SMYD1: variants seen among roughly 807,000 people sequenced by gnomAD.
SMYD1 encodes histone-lysine N-methyltransferase SMYD1.
A neutral mutation model predicts 54.0 loss-of-function variants in SMYD1; 49 were observed. The ratio of observed to expected loss-of-function variants is 0.91; its 90% CI spans 0.72 to 1.15. SMYD1 has a LOEUF of 1.15. Among genes scored for constraint, SMYD1 ranks in the 50% most tolerant of loss-of-function variants. SMYD1 has a pLI of 0.00. For synonymous variants in SMYD1, 269 were observed against 234.2 expected (o/e 1.15, Z -1.36); for missense variants, 653 against 639.6 (o/e 1.02, Z -0.23).
chr2:88,096,725 G>T lies in SMYD1; in HGVS notation c.829G>T (p.Glu277Ter). ...GCAGTACTACTTTGACTGCACATGT[G>T]AACACTGCCAGAAAAAACTGAAGGA... is the stretch of plus-strand genomic sequence containing the variant. ...KKQYYFDCTC[E>*]HCQKKLKDDL... The change falls in exon 6 of 10, where the codon GAA (glutamate) becomes TAA (stop). Residue 277 changes from glutamate to a stop codon, truncating the protein, a stop_gained. Coordinates refer to ENST00000419482, the MANE Select transcript of SMYD1 (RefSeq NM_198274.4). LOFTEE classifies it high-confidence loss of function. 1 of 1,614,202 alleles carries T rather than the reference G, an allele frequency of 6.2e-7. No homozygotes were observed. Among genetic ancestry groups the T allele is most frequent in the South Asian group, 1.1e-5 (1 of 91,080 alleles).
chr2:88,108,769 A>G (rs1349311776), intron 9 of SMYD1, among the ~76,000 whole-genome samples: 1 of 152,206 alleles, frequency 6.6e-6, no homozygotes, highest in Non-Finnish European at 1.5e-5. Flanking sequence ...ATGTTGGTTC[A>G]TGGTTCTGCA....
In SMYD1 at chr2:88,101,787, GTAGAGCT is replaced by G. The variant is rs1263344000; in HGVS notation, c.889-1269_889-1263del. Among the ~76,000 whole-genome samples, 5 of 152,184 alleles carry G rather than the reference GTAGAGCT, an allele frequency of 3.3e-5. No individual in the cohort carries two copies. In the East Asian group the frequency reaches 9.7e-4, roughly 29 times the overall value. On this transcript the variant is annotated intron_variant, in intron 6 of 9. Transcript: ENST00000419482. ...TACCTGGCTAATTTTTGTATTTGTA[GTAGAGCT>G]TGGATTTCACCCTATTGTCCAGGTT...
intron 1 of SMYD1, among the ~76,000 whole-genome samples, chr2:88,068,806 A>G (rs1484999419): frequency 6.6e-6 from 1 of 152,118 alleles, no homozygotes; most frequent in African/African-American, 2.4e-5. Flanking sequence ...TGAATCATCA[A>G]TCTTAATTTT....
intron 3 of SMYD1, among the ~76,000 whole-genome samples, chr2:88,088,937 C>G (rs1674401778): frequency 6.6e-6 from 1 of 152,086 alleles, no homozygotes; most frequent in Non-Finnish European, 1.5e-5. Flanking sequence ...ATCTGGTAGG[C>G]CAGGACCTTT....
At chr2:88,085,598 A>G (rs1476664701) in intron 2 of SMYD1, among the ~76,000 whole-genome samples, 1 of 152,196 alleles carries the variant, frequency 6.6e-6, no homozygotes, top group East Asian at 1.9e-4. Flanking sequence ...ATCTATTGAA[A>G]CACTACATAT....
chr2:88,084,230 C>G (rs951827691), intron 1 of SMYD1, 86 bp from the exon 2 acceptor site: 5 of 1,138,068 alleles, frequency 4.4e-6, no homozygotes, highest in Non-Finnish European at 6.1e-6. Flanking sequence ...CCAGCTGAAC[C>G]AGTACTGGAA....
chr2:88,092,770 G>A lies in SMYD1; in HGVS notation c.660-747G>A, dbSNP rs570270938. Among the ~76,000 whole-genome samples the A allele has an allele frequency of 3.3e-5, 5 of 152,360 alleles. No individual in the cohort carries two copies. In the East Asian group the frequency reaches 9.7e-4, roughly 29 times the overall value. ...CTGAGCTTGACCTGGTTGGCAGAGA[G>A]GATCAAATTCAGCCATGTATGGGCC... On this transcript the variant is annotated intron_variant, in intron 4 of 9. Transcript: ENST00000419482.
intron 7 of SMYD1, among the ~76,000 whole-genome samples, chr2:88,105,746 T>C (rs886805685): frequency 6.6e-6 from 1 of 152,138 alleles, no homozygotes; most frequent in Non-Finnish European, 1.5e-5. Context: ...GAGACCAGCC[T>C]GGGCAACATG....
At chr2:88,079,649 G>A (rs1056907488) in intron 1 of SMYD1, among the ~76,000 whole-genome samples, 10 of 152,238 alleles carry the variant, frequency 6.6e-5, no homozygotes, top group Admixed American at 5.9e-4. Flanking sequence ...GTGAAAACCC[G>A]TCTGTACTAA....
In SMYD1 at chr2:88,088,188, G is replaced by C. The variant is rs569405865; in HGVS notation, c.528+113G>C. ...AAGTGAACTAAGAGGCAGAAGCCCT[G>C]TCTGCCCTGGACCCTGATTTCTATT... On this transcript the variant is annotated intron_variant, in intron 3 of 9. Coordinates refer to ENST00000419482, the MANE Select transcript of SMYD1 (RefSeq NM_198274.4). 9 of 1,177,668 alleles carry C rather than the reference G, an allele frequency of 7.6e-6. No homozygotes were observed. In the South Asian group the frequency reaches 1.1e-4, roughly 15 times the overall value. The allele number at this position is 1,177,668 out of a possible 1,614,324, so 73.0% of individuals were successfully genotyped here.
Position 88,096,856 on chromosome 2 carries a change from C to A in SMYD1, c.888+72C>A, listed in dbSNP as rs1219661220. On this transcript the variant is annotated intron_variant, in intron 6 of 9. Transcript: ENST00000419482. ...GAGCCAGTCACAGGTGGTTTCACAG[C>A]TAATCCGTGTGCCCTGCCCATGAGC... The A allele has an allele frequency of 1.6e-5, 24 of 1,477,078 alleles. No homozygotes were observed. The Admixed American group carries it at 2.9e-4, about 18-fold the overall frequency. The allele number at this position is 1,477,078 out of a possible 1,614,324, so 91.5% of individuals were successfully genotyped here.
At chr2:88,091,825 C>T (rs1254030274) in intron 4 of SMYD1, among the ~76,000 whole-genome samples, 2 of 152,212 alleles carry the variant, frequency 1.3e-5, no homozygotes, top group African/African-American at 4.8e-5. Flanking sequence ...AATCATGCCA[C>T]TGCACTCCAG....
chr2:88,103,149 A>T lies in SMYD1; in HGVS notation c.980A>T (p.Glu327Val), dbSNP rs1276414491. The T allele has an allele frequency of 6.2e-7, 1 of 1,601,156 alleles. No homozygotes were observed. The highest frequency in any genetic ancestry group is 1.7e-5 in the Admixed American group (1 of 59,578). Residue 327 changes from glutamate to valine, a missense_variant and splice_region_variant, in exon 7 of 10, where the codon GAG becomes GTG. Coordinates refer to ENST00000419482, the MANE Select transcript of SMYD1 (RefSeq NM_198274.4). ...DKARSEGLYHEVVKLCRECLE... is the reference protein window; with the variant it reads ...DKARSEGLYHVVVKLCRECLE... ...GCTCGTTCCGAGGGTTTGTATCATG[A>T]GGTAAGAATTCACTTGTTATAGAGG...
intron 6 of SMYD1, among the ~76,000 whole-genome samples, chr2:88,097,542 G>T (rs1674621675): frequency 6.6e-6 from 1 of 152,194 alleles, no homozygotes; most frequent in Non-Finnish European, 1.5e-5. Flanking sequence ...TGTGCTCAGG[G>T]GGAGGATGAG....
At chr2:88,090,985 G>T (rs748508023) in intron 3 of SMYD1, 27 bp from the exon 4 acceptor site, 45 of 1,603,570 alleles carry the variant, frequency 2.8e-5, no homozygotes, top group Non-Finnish European at 3.5e-5. Flanking sequence ...TCTGTCGACT[G>T]ACTCTTTCAT....
In SMYD1 at chr2:88,094,127, A is replaced by G. The variant is rs140928898; in HGVS notation, c.698+572A>G. Among the ~76,000 whole-genome samples, 15 of 152,246 alleles carry G rather than the reference A, an allele frequency of 9.9e-5. 1 individual carries two copies. In the East Asian group the frequency reaches 2.7e-3, roughly 27 times the overall value. On this transcript the variant is annotated intron_variant, in intron 5 of 9. Transcript: ENST00000419482. ...TAGGGTGGGGTTGACAGCTCTTGAA[A>G]TAGTCTTTGGATTAAGAACAAAATG...
In SMYD1 at chr2:88,091,169, G is replaced by T. The variant is rs776738037; in HGVS notation, c.659+27G>T. ...TGAGTATGTCTTTATGTGGGGGTGT[G>T]TGTGAAGGGGATGGGGAGACCTATG... On this transcript the variant is annotated intron_variant, in intron 4 of 9. Transcript: ENST00000419482. 4.4e-6 allele frequency: 7 copies of T among 1,608,512 alleles called. No homozygotes were observed. The East Asian group carries it at 1.6e-4, about 36-fold the overall frequency.
intron 1 of SMYD1, 109 bp downstream of exon 1, chr2:88,068,110 C>CT (rs1277358920): frequency 1.4e-6 from 2 of 1,415,544 alleles, no homozygotes; most frequent in Non-Finnish European, 1.9e-6. Flanking sequence ...TTCATGTGCT[C>CT]TTTTTTCAAC....
chr2:88,089,822 G>C lies in SMYD1; in HGVS notation c.529-1190G>C, dbSNP rs1273752415. On this transcript the variant is annotated intron_variant, in intron 3 of 9. Transcript: ENST00000419482. ...GCCCAGGCTGATCTCAAACTCCTGA[G>C]CTCAAGTGATCTGCCCATCTCTGCC... Among the ~76,000 whole-genome samples the C allele has an allele frequency of 2.0e-5, 3 of 151,700 alleles. No individual in the cohort carries two copies. The South Asian group carries it at 6.2e-4, about 31-fold the overall frequency.
Sources: gnomAD v4.1 joint callset for allele counts (sites outside exome capture counted in the v4.1 genomes callset) on GRCh38, gnomAD v4.1.1 for gene constraint, MANE v1.5 for transcripts, NCBI Gene and HGNC (gene_info 2026-07-23, HGNC 2026-07-21) for gene names.